The following BANK1 variants were observed in gnomAD, a reference collection of about 807,000 sequenced individuals.
BANK1 encodes the protein B-cell scaffold protein with ankyrin repeats.
In BANK1, 95 loss-of-function variants were observed where a neutral mutation model predicts 94.5. That is an observed-to-expected ratio of 1.00 (90% confidence interval 0.85 to 1.19). The LOEUF (loss-of-function observed/expected upper bound fraction) is 1.19, where lower values mean the gene tolerates loss of function less well. BANK1 is among the 50% of genes most tolerant of loss of function. BANK1 has a pLI of 0.00. For synonymous variants in BANK1, 334 were observed against 308.4 expected, an observed-to-expected ratio of 1.08 and a Z score of -0.87; for missense variants, 987 against 932.2, an observed-to-expected ratio of 1.06 and a Z score of -0.77.
chr4:102,018,907 C>T (rs899995437), intron 7 of BANK1, among the ~76,000 whole-genome samples: 1 of 151,376 alleles, frequency 6.6e-6, no homozygotes, highest in Admixed American at 6.6e-5. Flanking sequence ...CAACCTCTGC[C>T]TCCGGGCTCA....
At chr4:101,959,982 C>T (rs1289943963) in intron 7 of BANK1, among the ~76,000 whole-genome samples, 3 of 152,076 alleles carry the variant, frequency 2.0e-5, no homozygotes, top group African/African-American at 7.2e-5. Context: ...TGACATTGAC[C>T]CATTTACGTT....
At chr4:101,964,762 C>A (rs529113079) in intron 7 of BANK1, among the ~76,000 whole-genome samples, 14 of 151,852 alleles carry the variant, frequency 9.2e-5, no homozygotes, top group South Asian at 2.1e-4. Flanking sequence ...GAGAAGTATT[C>A]TTTTTTATTA....
At chr4:101,937,518 T>C (rs1004918867) in intron 7 of BANK1, among the ~76,000 whole-genome samples, 1 of 151,938 alleles carries the variant, frequency 6.6e-6, no homozygotes, top group African/African-American at 2.4e-5. Flanking sequence ...ATTAGAGAAA[T>C]GCAAGTCAAA....
chr4:102,022,341 T>C (rs1429737171), intron 8 of BANK1, among the ~76,000 whole-genome samples: 1 of 152,126 alleles, frequency 6.6e-6, no homozygotes, highest in Non-Finnish European at 1.5e-5. Context: ...TGCTTGAAAG[T>C]CATCCTTGGC....
At chr4:102,033,684 T>A (rs1306941267) in intron 10 of BANK1, among the ~76,000 whole-genome samples, 2 of 152,238 alleles carry the variant, frequency 1.3e-5, no homozygotes, top group Admixed American at 6.5e-5. Context: ...GTTGTCGTTC[T>A]AATTCAATGA....
chr4:102,071,108 G>C (rs1335772660), intron 13 of BANK1, among the ~76,000 whole-genome samples, 167 bp from the exon 14 acceptor site: 3 of 152,178 alleles, frequency 2.0e-5, no homozygotes, highest in African/African-American at 7.2e-5. Context: ...TTCACTCACA[G>C]TGGCTGGAGG....
At chr4:101,979,174 C>T (rs574090632) in intron 7 of BANK1, among the ~76,000 whole-genome samples, 38 of 151,804 alleles carry the variant, frequency 2.5e-4, no homozygotes, top group Admixed American at 1.1e-3. Context: ...CAAGATAATA[C>T]CTGATGTAAT....
In BANK1 at chr4:101,830,176, A is replaced by T; in HGVS notation, c.439A>T (p.Ile147Phe). ...ISTEQEPEDY[I>F]SVIQSIIFKD... is the part of the protein sequence containing the mutation. ...AACTGAACAGGAACCTGAAGACTAC[A>T]TCTCTGTAATCCAGAGTATCATATT... is the stretch of plus-strand genomic sequence containing the variant. The change falls in exon 2 of 17, where the codon ATC becomes TTC. Residue 147 changes from isoleucine to phenylalanine, a missense_variant. Ile to Phe is a conservative substitution (Grantham distance 21). Coordinates refer to ENST00000322953, the MANE Select transcript of BANK1 (RefSeq NM_017935.5). 1.9e-6 allele frequency: 3 copies of T among 1,574,060 alleles called. No individual in the cohort carries two copies. Among genetic ancestry groups the T allele is most frequent in the Non-Finnish European group, 2.6e-6 (3 of 1,164,258 alleles).
intron 7 of BANK1, among the ~76,000 whole-genome samples, chr4:101,989,747 T>G (rs1725638882): frequency 6.6e-6 from 1 of 152,068 alleles, no homozygotes; most frequent in South Asian, 2.1e-4. Context: ...CATGATTAAA[T>G]CCAGGTTATG....
At chr4:101,830,234 A>G (rs1471461325) in intron 2 of BANK1, 28 bp downstream of exon 2, 1 of 1,397,714 alleles carries the variant, frequency 7.2e-7, no homozygotes, top group Non-Finnish European at 9.2e-7. Flanking sequence ...TGTTTGTTTT[A>G]TTTTTATTTG....
intron 7 of BANK1, among the ~76,000 whole-genome samples, chr4:101,961,185 T>A (rs746236403): frequency 6.6e-6 from 1 of 152,204 alleles, no homozygotes; most frequent in African/African-American, 2.4e-5. Context: ...TCTTACATAA[T>A]GAACAGAATT....
At chr4:101,837,295 G>A (rs17031702) in intron 2 of BANK1, among the ~76,000 whole-genome samples, 15,859 of 152,116 alleles carry the variant, frequency 0.1, 2,111 homozygotes, top group African/African-American at 0.3. Context: ...TTGAAAAATT[G>A]TTAGCTGCCA....
Position 101,875,853 on chromosome 4 carries a change from C to T in BANK1, c.903+5209C>T, listed in dbSNP as rs572766251. Among the ~76,000 whole-genome samples the T allele has an allele frequency of 4.6e-5, 7 of 152,278 alleles. No individual in the cohort carries two copies. In the South Asian group the frequency reaches 1.4e-3, roughly 32 times the overall value. The stretch of plus-strand genomic sequence containing the variant: ...CAAAAGGATTGCAACTCCTAGGCAA[C>T]TCCTAGTGCTCAACTGTGCCCAGTG... On this transcript the variant is annotated intron_variant, in intron 5 of 16. Coordinates refer to ENST00000322953, the MANE Select transcript of BANK1 (RefSeq NM_017935.5).
intron 4 of BANK1, among the ~76,000 whole-genome samples, chr4:101,864,630 A>G (rs1728001106): frequency 6.6e-6 from 1 of 152,188 alleles, no homozygotes; most frequent in Non-Finnish European, 1.5e-5. Context: ...GTAATAAAAG[A>G]GAGATTAACA....
At chr4:101,967,426 T>C (rs1323114598) in intron 7 of BANK1, among the ~76,000 whole-genome samples, 1 of 151,976 alleles carries the variant, frequency 6.6e-6, no homozygotes, top group Non-Finnish European at 1.5e-5. Context: ...ATGGTGTCTG[T>C]GTAGAAAACT....
intron 3 of BANK1, among the ~76,000 whole-genome samples, chr4:101,861,289 C>A (rs1727866602): frequency 1.3e-5 from 2 of 152,250 alleles, no homozygotes; most frequent in East Asian, 1.9e-4. Context: ...ATTAGAAACT[C>A]TTTTGGATAA....
At chr4:101,942,451 C>A (rs1723785681) in intron 7 of BANK1, among the ~76,000 whole-genome samples, 1 of 151,776 alleles carries the variant, frequency 6.6e-6, no homozygotes, top group African/African-American at 2.4e-5. Flanking sequence ...AAGAGTTGAA[C>A]TAGAAAGTTA....
At chr4:101,831,582 C>T (rs1444901437) in intron 2 of BANK1, among the ~76,000 whole-genome samples, 1 of 152,136 alleles carries the variant, frequency 6.6e-6, no homozygotes, top group Non-Finnish European at 1.5e-5. Flanking sequence ...TAAAGCAATT[C>T]TCGTGCCTCA....
At chr4:101,977,805 A>G (rs1725186131) in intron 7 of BANK1, among the ~76,000 whole-genome samples, 1 of 152,198 alleles carries the variant, frequency 6.6e-6, no homozygotes, top group Admixed American at 6.6e-5. Flanking sequence ...TGATAGAACT[A>G]TTACAAGAAT....
Sources: gnomAD v4.1 joint callset for allele counts (sites outside exome capture counted in the v4.1 genomes callset) on GRCh38, gnomAD v4.1.1 for gene constraint, MANE v1.5 for transcripts, NCBI Gene and HGNC (gene_info 2026-07-23, HGNC 2026-07-21) for gene names.